The following RFTN2 variants were observed in gnomAD, a reference collection of about 807,000 sequenced individuals.
RFTN2 encodes raftlin family member 2, also known as raftlin-2.
In RFTN2, 34 loss-of-function variants were observed where a neutral mutation model predicts 52.7. The observed-to-expected ratio is 0.64, with a 90% confidence interval of 0.49 to 0.86. The LOEUF (loss-of-function observed/expected upper bound fraction) is 0.86, where lower values mean the gene tolerates loss of function less well. Ranked by LOEUF, RFTN2 falls within the 40% of genes least tolerant of loss-of-function variation. The pLI, the probability that RFTN2 is intolerant of heterozygous loss-of-function variation, is 0.00. For missense variants in RFTN2, 536 were observed against 600.1 expected, an observed-to-expected ratio of 0.89 and a Z score of 1.12; for synonymous variants, 203 against 217.7, an observed-to-expected ratio of 0.93 and a Z score of 0.59.
rs1282866777 is a variant in RFTN2, at chr2:197,646,750, T to C, written c.140-84A>G. Reference sequence around the variant, plus strand: ...TTCTACCTATGGGTGATAATACTAATGAATAGGAAAAGATCTTGGCCGGGT... The same window carrying C: ...TTCTACCTATGGGTGATAATACTAACGAATAGGAAAAGATCTTGGCCGGGT... On this transcript the variant is annotated intron_variant, in intron 1 of 8. Transcript: ENST00000295049. 10 of 1,104,078 alleles carry C rather than the reference T, an allele frequency of 9.1e-6. No homozygotes were observed. The South Asian group carries it at 1.1e-4, about 12-fold the overall frequency. 68.4% of individuals were successfully genotyped at this position (1,104,078 alleles called of 1,614,324 possible). A position where few individuals can be genotyped will look rare whatever the true frequency, so the allele number is the denominator to read the frequency against.
intron 8 of RFTN2, among the ~76,000 whole-genome samples, chr2:197,587,323 T>G (rs1208632586): frequency 1.3e-5 from 2 of 152,112 alleles, no homozygotes; most frequent in Non-Finnish European, 2.9e-5. Context: ...ACCACTATTT[T>G]GTTTTATTTT....
chr2:197,665,517 C>CTT, intron 1 of RFTN2, among the ~76,000 whole-genome samples: 13 of 41,508 alleles, frequency 3.1e-4, no homozygotes, highest in Middle Eastern at 0.062. Context: ...TGTACCTTGC[C>CTT]TTTTTTTTTT....
intron 8 of RFTN2, among the ~76,000 whole-genome samples, chr2:197,591,791 G>A (rs1215699452): frequency 6.6e-6 from 1 of 152,164 alleles, no homozygotes; most frequent in African/African-American, 2.4e-5. Flanking sequence ...CTCCATAGCT[G>A]CTGGCCTGGG....
At chr2:197,619,484 A>G (rs547636286) in intron 5 of RFTN2, among the ~76,000 whole-genome samples, 34 of 151,918 alleles carry the variant, frequency 2.2e-4, no homozygotes, top group Non-Finnish European at 4.3e-4. Context: ...GTATCCACTC[A>G]GGGTTGAATG....
Position 197,569,929 on chromosome 2 carries a change from CAAAAAAAAAAA to C in RFTN2, c.*2068_*2078del, listed in dbSNP as rs58563614. ...TGGGTGACAGAGTGAGGCTCTGTCT[CAAAAAAAAAAA>C]AAAAAAAAAAAAGTTATTGCTATAT... On this transcript the variant is annotated 3_prime_UTR_variant, in exon 9 of 9. Transcript: ENST00000295049. 1.3e-5 allele frequency: 1 copy of C among 75,108 alleles called. No homozygotes were observed. The highest frequency in any genetic ancestry group is 5.4e-5 in the African/African-American group (1 of 18,504). The allele number at this position is 75,108 out of a possible 1,614,324, so 4.7% of individuals were successfully genotyped here. A position where few individuals can be genotyped will look rare whatever the true frequency, so the allele number is the denominator to read the frequency against.
chr2:197,631,319 C>T, intron 4 of RFTN2, 99 bp from the exon 5 acceptor site: 2 of 848,434 alleles, frequency 2.4e-6, no homozygotes, highest in Admixed American at 2.2e-5. Context: ...AGCATACAAA[C>T]AAGCACTCAG....
chr2:197,579,098 G>T (rs183428854), intron 8 of RFTN2, among the ~76,000 whole-genome samples: 1 of 152,096 alleles, frequency 6.6e-6, no homozygotes, highest in East Asian at 1.9e-4. Context: ...CTCTGGCGCC[G>T]GTCACAGACT....
At chr2:197,613,902 C>T (rs1333254303) in intron 7 of RFTN2, among the ~76,000 whole-genome samples, 2 of 152,220 alleles carry the variant, frequency 1.3e-5, no homozygotes. Flanking sequence ...TTTCTGCTAT[C>T]TTCTATACAG....
At chr2:197,642,603 G>T (rs1443902463) in intron 3 of RFTN2, among the ~76,000 whole-genome samples, 1 of 151,922 alleles carries the variant, frequency 6.6e-6, no homozygotes, top group Non-Finnish European at 1.5e-5. Context: ...ATTCACTGTT[G>T]GTTAAATATC....
At chr2:197,610,927 G>GT (rs1574705082) in intron 7 of RFTN2, among the ~76,000 whole-genome samples, 1 of 152,142 alleles carries the variant, frequency 6.6e-6, no homozygotes, top group Non-Finnish European at 1.5e-5. Context: ...ATTGATTTGT[G>GT]TATGTTGAAC....
intron 5 of RFTN2, among the ~76,000 whole-genome samples, chr2:197,622,965 T>C (rs186493141): frequency 1.3e-5 from 2 of 152,330 alleles, no homozygotes; most frequent in African/African-American, 4.8e-5. Flanking sequence ...ATATTATGCT[T>C]ATTGACAATG....
intron 1 of RFTN2, among the ~76,000 whole-genome samples, chr2:197,672,915 T>C (rs1022662660): frequency 1.1e-4 from 16 of 152,238 alleles, no homozygotes; most frequent in African/African-American, 3.9e-4. Flanking sequence ...GTGTAAGTTG[T>C]TTTGTTTTCT....
At chr2:197,596,971 G>C (rs1053009459) in intron 7 of RFTN2, among the ~76,000 whole-genome samples, 1 of 152,156 alleles carries the variant, frequency 6.6e-6, no homozygotes, top group African/African-American at 2.4e-5. Flanking sequence ...TTATGGGGAG[G>C]AGTGTCTGTA....
At chr2:197,671,094 T>C (rs2089141918) in intron 1 of RFTN2, among the ~76,000 whole-genome samples, 1 of 152,212 alleles carries the variant, frequency 6.6e-6, no homozygotes, top group Non-Finnish European at 1.5e-5. Context: ...AAAACACTCT[T>C]CTGCATCTAT....
At chr2:197,599,207 G>A (rs1436507336) in intron 7 of RFTN2, among the ~76,000 whole-genome samples, 3 of 152,024 alleles carry the variant, frequency 2.0e-5, no homozygotes, top group Admixed American at 2.0e-4. Flanking sequence ...CCAAAGTGCT[G>A]GGATTACAAG....
intron 5 of RFTN2, 149 bp from the exon 6 acceptor site, chr2:197,618,070 CTCTCCCTCTCCCTCTCCCCACGG>C (rs1441466037): frequency 2.1e-5 from 8 of 378,222 alleles, no homozygotes; most frequent in African/African-American, 4.3e-5. Flanking sequence ...CCCCCTCTCC[CTCTCCCTCTCCCTCTCCCCACGG>C]TCTCCCTCTC....
intron 8 of RFTN2, among the ~76,000 whole-genome samples, chr2:197,572,661 A>G (rs1206235446): frequency 1.3e-5 from 2 of 152,216 alleles, no homozygotes; most frequent in African/African-American, 2.4e-5. Context: ...TCAGATCTAT[A>G]CAGCAGAAAA....
At chr2:197,615,752 A>G (rs781104301) in intron 7 of RFTN2, 124 bp downstream of exon 7, 6 of 606,530 alleles carry the variant, frequency 9.9e-6, no homozygotes, top group African/African-American at 9.3e-5. Flanking sequence ...CATAAAATCA[A>G]ATTCGAAGCT....
At chr2:197,661,165 T>C (rs1559367539) in intron 1 of RFTN2, among the ~76,000 whole-genome samples, 2 of 152,178 alleles carry the variant, frequency 1.3e-5, no homozygotes, top group South Asian at 4.1e-4. Flanking sequence ...GCCTGGATTA[T>C]TTCACTTAAC....
Sources: allele counts gnomAD v4.1 joint callset (sites outside exome capture counted in the v4.1 genomes callset), GRCh38; gene constraint gnomAD v4.1.1; transcripts MANE v1.5; gene names NCBI Gene and HGNC (gene_info 2026-07-23, HGNC 2026-07-21).